The following KXD1 variants were observed in gnomAD, a reference collection of about 807,000 sequenced individuals.
KXD1 encodes kxDL motif-containing protein 1.
A neutral mutation model predicts 12.1 loss-of-function variants in KXD1; 5 were observed. That is an observed-to-expected ratio of 0.41 (90% CI 0.22 to 0.87). KXD1 has a LOEUF of 0.87. Among genes scored for constraint, KXD1 ranks in the 40% least tolerant of loss-of-function variants. KXD1 has a pLI of 0.31. For missense variants in KXD1, 193 were observed against 244.9 expected (o/e 0.79, Z 1.41); for synonymous variants, 98 against 100.5 (o/e 0.98, Z 0.15).
Position 18,562,050 on chromosome 19 carries a change from G to A in KXD1, c.-7G>A. On this transcript the variant is annotated 5_prime_UTR_variant, in exon 2 of 5. Coordinates refer to ENST00000222307, the MANE Select transcript of KXD1 (RefSeq NM_024069.4). ...GCCTGTTTCAGGCAGCGGAGGAGGA[G>A]AAAGAGATGGACCTCCCGGACTCGG... The A allele has an allele frequency of 6.2e-7, 1 of 1,610,930 alleles. No individual in the cohort carries two copies. The highest frequency in any genetic ancestry group is 1.1e-5 in the South Asian group (1 of 90,650).
At position 18,568,891 on chromosome 19, in the gene KXD1, G is replaced by C. The variant is rs949893792; in HGVS notation, c.*260G>C. ...GGGCACGCCCATTCCAGCTGGAGTCGTGGGGCTGGGCACAGGGGAATTTTT... is the reference window on the plus strand; with the variant it reads ...GGGCACGCCCATTCCAGCTGGAGTCCTGGGGCTGGGCACAGGGGAATTTTT... On this transcript the variant is annotated 3_prime_UTR_variant, in exon 5 of 5. Transcript: ENST00000222307. 7.9e-6 allele frequency: 4 copies of C among 506,418 alleles called. No homozygotes were observed. The highest frequency in any genetic ancestry group is 7.2e-5 in the Admixed American group (2 of 27,868). The allele number at this position is 506,418 out of a possible 1,614,324, so 31.4% of individuals were successfully genotyped here.
rs115855376 is a variant in KXD1, at chr19:18,566,939, G to C, written c.255-193G>C. Among the ~76,000 whole-genome samples the C allele has an allele frequency of 3.2e-3, 493 of 152,354 alleles. 6 individuals are homozygous for C. The highest frequency in any genetic ancestry group is 0.011 in the African/African-American group (465 of 41,578). On this transcript the variant is annotated intron_variant, in intron 3 of 4. Coordinates refer to ENST00000222307, the MANE Select transcript of KXD1 (RefSeq NM_024069.4). ...CTACCTTGGGGCTGGAGGCCGGCTG[G>C]TGGGCGACTGTCAGGGCCGTGGCTG...
intron 3 of KXD1, among the ~76,000 whole-genome samples, 178 bp from the exon 4 acceptor site, chr19:18,566,954 G>T (rs1006448072): frequency 2.6e-5 from 4 of 152,200 alleles, no homozygotes; most frequent in Non-Finnish European, 5.9e-5. Flanking sequence ...CGACTGTCAG[G>T]GCCGTGGCTG....
intron 3 of KXD1, among the ~76,000 whole-genome samples, chr19:18,565,639 G>A (rs1357819436): frequency 6.6e-6 from 1 of 152,148 alleles, no homozygotes; most frequent in African/African-American, 2.4e-5. Flanking sequence ...TCAGCCTTCT[G>A]AGTAGCTGGG....
intron 3 of KXD1, 132 bp from the exon 4 acceptor site, chr19:18,567,000 G>A (rs1975275182): frequency 4.1e-6 from 3 of 738,848 alleles, no homozygotes; most frequent in African/African-American, 1.7e-5. Context: ...AAGATGTGAG[G>A]TGATGAACAG....
intron 2 of KXD1, among the ~76,000 whole-genome samples, chr19:18,563,344 CTT>C (rs11342485): frequency 1.8e-3 from 219 of 122,470 alleles, no homozygotes; most frequent in Admixed American, 2.3e-3. Context: ...TCTCCTGTGT[CTT>C]TTTTTTTTTT....
intron 2 of KXD1, among the ~76,000 whole-genome samples, chr19:18,563,191 G>A (rs1975011205): frequency 6.6e-6 from 1 of 152,124 alleles, no homozygotes; most frequent in African/African-American, 2.4e-5. Context: ...CAGTCTTGGA[G>A]TGGAAGCACA....
At chr19:18,562,323 C>G (rs1344626019) in intron 2 of KXD1, among the ~76,000 whole-genome samples, 166 bp downstream of exon 2, 1 of 152,230 alleles carries the variant, frequency 6.6e-6, no homozygotes, top group Non-Finnish European at 1.5e-5. Flanking sequence ...GGAGGCGAGG[C>G]CTTGGCACAG....
chr19:18,558,660 A>G (rs773089734), intron 1 of KXD1: 1 of 152,146 alleles, frequency 6.6e-6, no homozygotes, highest in Non-Finnish European at 1.5e-5. Flanking sequence ...CTGATTCAGA[A>G]GGGTGAAGTG....
At chr19:18,562,236 CG>C in intron 2 of KXD1, 79 bp downstream of exon 2, 3 of 1,041,910 alleles carry the variant, frequency 2.9e-6, no homozygotes, top group Non-Finnish European at 4.3e-6. Context: ...CGCCCCTACC[CG>C]GGGCCCACAC....
chr19:18,564,193 G>GT (rs986913763), intron 2 of KXD1, among the ~76,000 whole-genome samples: 207 of 152,158 alleles, frequency 1.4e-3, no homozygotes, highest in African/African-American at 4.9e-3. Context: ...CTGGTCTCCT[G>GT]TTTTTTTAGG....
intron 4 of KXD1, 117 bp from the exon 5 acceptor site, chr19:18,568,285 G>T: frequency 1.4e-6 from 1 of 690,244 alleles, no homozygotes; most frequent in Non-Finnish European, 2.5e-6. Context: ...AAAAAAAAAG[G>T]GTCAAGTCAT....
chr19:18,558,081 C>T (rs1382059119), intron 1 of KXD1, 167 bp downstream of exon 1: 2 of 152,556 alleles, frequency 1.3e-5, no homozygotes, highest in East Asian at 1.9e-4. Context: ...GTTTCCCCGT[C>T]TGCTCAATGG....
intron 1 of KXD1, chr19:18,558,963 C>G (rs565516801): frequency 1.3e-5 from 2 of 148,388 alleles, no homozygotes; most frequent in South Asian, 4.3e-4. Flanking sequence ...ATGGGCCTCC[C>G]TCTCCAGGTG....
At chr19:18,562,282 G>A (rs1392859276) in intron 2 of KXD1, 125 bp downstream of exon 2, 14 of 695,994 alleles carry the variant, frequency 2.0e-5, no homozygotes, top group South Asian at 7.8e-5. Context: ...CAAATCTGTC[G>A]CTGGCTCCAA....
chr19:18,564,180 C>T (rs185882265), intron 2 of KXD1, among the ~76,000 whole-genome samples: 2 of 152,112 alleles, frequency 1.3e-5, no homozygotes, highest in South Asian at 2.1e-4. Context: ...CCCCCATGCC[C>T]GGCTGGTCTC....
chr19:18,559,775 A>C (rs887593339), intron 1 of KXD1: 1 of 152,212 alleles, frequency 6.6e-6, no homozygotes, highest in Non-Finnish European at 1.5e-5. Flanking sequence ...ATAAATAAGA[A>C]TGATAACAGT....
At chr19:18,565,905 C>A (rs940920261) in intron 3 of KXD1, among the ~76,000 whole-genome samples, 3 of 152,182 alleles carry the variant, frequency 2.0e-5, no homozygotes, top group African/African-American at 7.2e-5. Context: ...CCAGGCTAGT[C>A]TCAAACTCCT....
rs1226847114 is a variant in KXD1 at position 18,569,024 on chromosome 19, C to T, written c.*393C>T. ...AGGACCTCCTTGAGGTGCACAAGCACGGTCTCCTCTGAGTTCACCCCAGCC... is the reference window on the plus strand; with the variant it reads ...AGGACCTCCTTGAGGTGCACAAGCATGGTCTCCTCTGAGTTCACCCCAGCC... On this transcript the variant is annotated 3_prime_UTR_variant, in exon 5 of 5. Coordinates refer to ENST00000222307, the MANE Select transcript of KXD1 (RefSeq NM_024069.4). The T allele has an allele frequency of 2.5e-5, 6 of 236,806 alleles. No individual in the cohort carries two copies. The highest frequency in any genetic ancestry group is 1.3e-4 in the South Asian group (2 of 15,428). 14.7% of individuals were successfully genotyped at this position (236,806 alleles called of 1,614,324 possible). A position where few individuals can be genotyped will look rare whatever the true frequency, so the allele number is the denominator to read the frequency against.
Sources: gnomAD v4.1 joint callset for allele counts (sites outside exome capture counted in the v4.1 genomes callset) on GRCh38, gnomAD v4.1.1 for gene constraint, MANE v1.5 for transcripts, NCBI Gene and HGNC (gene_info 2026-07-23, HGNC 2026-07-21) for gene names.